The following PIK3CD variants were observed in gnomAD, a reference collection of about 807,000 sequenced individuals.
The protein encoded by PIK3CD is phosphatidylinositol 4,5-bisphosphate 3-kinase catalytic subunit delta isoform.
PIK3CD carries 20 observed loss-of-function variants against 122.9 expected under a neutral mutation model. The observed-to-expected ratio is 0.16, with a 90% CI of 0.11 to 0.24. The LOEUF (loss-of-function observed/expected upper bound fraction) is 0.24. PIK3CD is among the 10% of genes least tolerant of loss of function. The pLI is 1.00. For missense variants in PIK3CD, 787 were observed against 1,406.3 expected, an observed-to-expected ratio of 0.56 and a Z score of 7.04; for synonymous variants, 596 against 593.4, an observed-to-expected ratio of 1.00 and a Z score of -0.06.
At chr1:9,637,502 C>T in the PIK3CD span, among the ~76,000 whole-genome samples, 1 of 152,096 alleles carries the variant, frequency 6.6e-6, no homozygotes, top group Non-Finnish European at 1.5e-5. Flanking sequence ...GGTGACAGAG[C>T]AAGACCCTAT....
the PIK3CD span, among the ~76,000 whole-genome samples, chr1:9,630,201 G>A: frequency 1.3e-5 from 2 of 152,238 alleles, no homozygotes; most frequent in African/African-American, 4.8e-5. Context: ...GGTGATACCA[G>A]GGGCAGAGGG....
At chr1:9,714,764 C>T (rs1390208909) in intron 3 of PIK3CD, among the ~76,000 whole-genome samples, 1 of 152,198 alleles carries the variant, frequency 6.6e-6, no homozygotes, top group Non-Finnish European at 1.5e-5. Context: ...CTTTCAACTG[C>T]TTGTTGCTGT....
rs921609824 is a variant in PIK3CD, at chr1:9,720,498, A to C, written c.1471-113A>C. 25 of 1,526,722 alleles carry C rather than the reference A, an allele frequency of 1.6e-5. No individual in the cohort carries two copies. Among genetic ancestry groups the C allele is most frequent in the Non-Finnish European group, 2.1e-5 (24 of 1,131,474 alleles). 94.6% of individuals were successfully genotyped at this position (1,526,722 alleles called of 1,614,324 possible). A position where few individuals can be genotyped will look rare whatever the true frequency, so the allele number is the denominator to read the frequency against. ...CCAGAGCTGCTGTGGATGCGCCTCC[A>C]TGCAGAGGACAGCGCCCCCTCAAGG... On this transcript the variant is annotated intron_variant, in intron 11 of 23. Transcript: ENST00000377346. The surrounding 1 kb of genome is among the most constrained non-coding windows in gnomAD (Gnocchi z 9.0).
At chr1:9,674,057 C>T (rs61675549) in intron 1 of PIK3CD, among the ~76,000 whole-genome samples, 2,050 of 152,212 alleles carry the variant, frequency 0.013, 41 homozygotes, top group African/African-American at 0.044. Flanking sequence ...GCATGGAGAG[C>T]GCCATTCACC....
chr1:9,695,853 A>AAAAAAAAGAAAAG (rs1406553453), intron 2 of PIK3CD, among the ~76,000 whole-genome samples: 2 of 150,248 alleles, frequency 1.3e-5, no homozygotes, highest in African/African-American at 5.0e-5. Flanking sequence ...CAAAAAAAAA[A>AAAAAAAAGAAAAG]AAAAGAAAAG....
chr1:9,638,118 ATAAAT>A, the PIK3CD span, among the ~76,000 whole-genome samples: 1 of 151,926 alleles, frequency 6.6e-6, no homozygotes, highest in Non-Finnish European at 1.5e-5. Context: ...AAATAAATAA[ATAAAT>A]AAATAAATAA....
chr1:9,675,044 G>C (rs772418181), intron 1 of PIK3CD, among the ~76,000 whole-genome samples: 19 of 146,678 alleles, frequency 1.3e-4, no homozygotes, highest in Non-Finnish European at 2.0e-4. Context: ...AAAAGAGAGA[G>C]AGAGAAAGAA....
In PIK3CD at chr1:9,724,142, C is replaced by G; in HGVS notation, c.2718+50C>G. On this transcript the variant is annotated intron_variant, in intron 21 of 23. Transcript: ENST00000377346. The surrounding 1 kb of genome is among the most constrained non-coding windows in gnomAD (Gnocchi z 7.3). The stretch of plus-strand genomic sequence containing the variant: ...GCTGTGGGGACTTGGCTTCTGGCCC[C>G]AGCCTGCTGGCCCCTCTGCCTAGCA... 6.2e-7 allele frequency: 1 copy of G among 1,613,898 alleles called. No homozygotes were observed. Among genetic ancestry groups the G allele is most frequent in the Non-Finnish European group, 8.5e-7 (1 of 1,180,010 alleles).
intron 2 of PIK3CD, among the ~76,000 whole-genome samples, chr1:9,693,867 G>A (rs986231268): frequency 8.6e-5 from 13 of 152,036 alleles, no homozygotes; most frequent in Non-Finnish European, 1.3e-4. Flanking sequence ...GGAGTGCTTC[G>A]AAAGGTGGTG....
At position 9,700,023 on chromosome 1, in the gene PIK3CD, A is replaced by C. The variant is rs1646568305; in HGVS notation, c.-33+8452A>C. On this transcript the variant is annotated intron_variant, in intron 2 of 23. Transcript: ENST00000377346. The surrounding 1 kb of genome is among the most constrained non-coding windows in gnomAD (Gnocchi z 5.1). ...GACCCTTCCCTGACCCACCATCCAA[A>C]GGAAACGCTGCCTGCAAGCCCCTTT... Among the ~76,000 whole-genome samples, 2 of 152,230 alleles carry C rather than the reference A, an allele frequency of 1.3e-5. No individual in the cohort carries two copies. Among genetic ancestry groups the C allele is most frequent in the African/African-American group, 4.8e-5 (2 of 41,468 alleles).
At position 9,721,879 on chromosome 1, in the gene PIK3CD, G is replaced by A. The variant is rs752258456; in HGVS notation, c.2055+19G>A. 4.3e-6 allele frequency: 7 copies of A among 1,612,472 alleles called. No homozygotes were observed. The highest frequency in any genetic ancestry group is 5.1e-6 in the Non-Finnish European group (6 of 1,179,610). On this transcript the variant is annotated intron_variant, in intron 16 of 23. Transcript: ENST00000377346. Reference sequence around the variant, plus strand: ...GAAGCAGGTGAGGCCCAAGGCCCTGGGGGGCGGGCAGGGGGCGGCCCTGAG... The same window carrying A: ...GAAGCAGGTGAGGCCCAAGGCCCTGAGGGGCGGGCAGGGGGCGGCCCTGAG...
At position 9,721,880 on chromosome 1, in the gene PIK3CD, G is replaced by T. The variant is rs1438366137; in HGVS notation, c.2055+20G>T. 6.2e-7 allele frequency: 1 copy of T among 1,612,390 alleles called. No individual in the cohort carries two copies. The highest frequency in any genetic ancestry group is 1.1e-5 in the South Asian group (1 of 91,052). ...AAGCAGGTGAGGCCCAAGGCCCTGG[G>T]GGGCGGGCAGGGGGCGGCCCTGAGC... On this transcript the variant is annotated intron_variant, in intron 16 of 23. Transcript: ENST00000377346.
intron 2 of PIK3CD, among the ~76,000 whole-genome samples, chr1:9,699,323 C>G (rs1374130331): frequency 6.6e-6 from 1 of 152,184 alleles, no homozygotes; most frequent in Non-Finnish European, 1.5e-5. Flanking sequence ...CTGTACATGT[C>G]CTGCACACGT....
At chr1:9,645,052 G>T in the PIK3CD span, among the ~76,000 whole-genome samples, 11 of 132,716 alleles carry the variant, frequency 8.3e-5, 1 homozygote, top group Non-Finnish European at 1.5e-4. Flanking sequence ...TTGAGACGGA[G>T]TCTTGTTCTG....
the PIK3CD span, among the ~76,000 whole-genome samples, chr1:9,629,382 C>G: frequency 1.8e-4 from 27 of 152,030 alleles, no homozygotes; most frequent in African/African-American, 6.0e-4. Context: ...TCCTCAGCAG[C>G]TGACCCTCTC....
At chr1:9,653,774 G>C (rs1248693347) in intron 1 of PIK3CD, 1 of 1,362,132 alleles carries the variant, frequency 7.3e-7, no homozygotes, top group African/African-American at 1.5e-5. Context: ...TGGCCTGCTG[G>C]AGTTTCATTT....
chr1:9,695,877 A>G (rs868322306), intron 2 of PIK3CD, among the ~76,000 whole-genome samples: 23 of 151,232 alleles, frequency 1.5e-4, no homozygotes, highest in African/African-American at 3.9e-4. Context: ...GAAAGATACT[A>G]CAAGAAAATG....
intron 1 of PIK3CD, among the ~76,000 whole-genome samples, chr1:9,684,324 G>C (rs1441504808): frequency 1.3e-5 from 2 of 152,088 alleles, no homozygotes; most frequent in Non-Finnish European, 2.9e-5. Context: ...ATCACCTGGG[G>C]TCAGGAGTTC....
chr1:9,651,739 C>G lies in PIK3CD; in HGVS notation c.-201C>G, dbSNP rs1255012371. On this transcript the variant is annotated 5_prime_UTR_variant, in exon 1 of 24. Coordinates refer to ENST00000377346, the MANE Select transcript of PIK3CD (RefSeq NM_005026.5). ...TCCCTCCCTCGAGGCTCACTCGCGC[C>G]CAGCGCAGTCGCTCCGAGCGGCCGC... The G allele has an allele frequency of 6.6e-6, 1 of 152,068 alleles. No individual in the cohort carries two copies. Among genetic ancestry groups the G allele is most frequent in the Non-Finnish European group, 1.5e-5 (1 of 67,982 alleles). The allele number at this position is 152,068 out of a possible 1,614,324, so 9.4% of individuals were successfully genotyped here.
Sources: gnomAD v4.1 joint callset for allele counts (sites outside exome capture counted in the v4.1 genomes callset) on GRCh38, gnomAD v4.1.1 for gene constraint, Gnocchi (gnomAD v3.1) non-coding constraint, MANE v1.5 for transcripts, NCBI Gene and HGNC (gene_info 2026-07-23, HGNC 2026-07-21) for gene names.